Variants in TAOK1 observed in about 807,000 individuals in gnomAD.
TAOK1 encodes TAO kinase 1.
A neutral mutation model predicts 138.3 loss-of-function variants in TAOK1; 21 were observed. That is an observed-to-expected ratio of 0.15 (90% CI 0.11 to 0.22). TAOK1 has a LOEUF of 0.22. TAOK1 is among the 10% of genes least tolerant of loss of function. The pLI, the probability that TAOK1 is intolerant of heterozygous loss-of-function variation, is 1.00. For missense variants in TAOK1, 651 were observed against 1,227.7 expected, an observed-to-expected ratio of 0.53 and a Z score of 7.02; for synonymous variants, 361 against 398.4, an observed-to-expected ratio of 0.91 and a Z score of 1.12.
chr17:29,439,908 GTAATA>G (rs2029890457), intron 1 of TAOK1, among the ~76,000 whole-genome samples: 1 of 148,986 alleles, frequency 6.7e-6, no homozygotes, highest in Admixed American at 6.7e-5. Context: ...AAGATAGTCT[GTAATA>G]TAATAGTGGG....
intron 15 of TAOK1, 128 bp downstream of exon 15, chr17:29,511,120 T>A: frequency 1.4e-6 from 1 of 727,838 alleles, no homozygotes. Flanking sequence ...GGGTATTAGT[T>A]TAAATGATGA....
intron 3 of TAOK1, among the ~76,000 whole-genome samples, chr17:29,472,573 C>CTTT (rs34588170): frequency 1.8e-5 from 2 of 111,740 alleles, no homozygotes; most frequent in African/African-American, 3.7e-5. Flanking sequence ...TTCTTTCTTT[C>CTTT]TTTTTTTTTT....
At chr17:29,445,898 T>C (rs2030064143) in intron 1 of TAOK1, among the ~76,000 whole-genome samples, 2 of 152,256 alleles carry the variant, frequency 1.3e-5, no homozygotes, top group South Asian at 2.1e-4. Context: ...TTTTCTTTAA[T>C]GTTTAATGAA....
chr17:29,396,918 G>A (rs1299088733), intron 1 of TAOK1, among the ~76,000 whole-genome samples: 1 of 150,596 alleles, frequency 6.6e-6, no homozygotes, highest in Non-Finnish European at 1.5e-5. Context: ...CTGGAACTTG[G>A]GAGGTAGTGG....
At chr17:29,414,117 T>C (rs1905211260) in intron 1 of TAOK1, among the ~76,000 whole-genome samples, 1 of 151,974 alleles carries the variant, frequency 6.6e-6, no homozygotes, top group South Asian at 2.1e-4. Context: ...TCTCCTGACC[T>C]CGTGATCCGC....
At chr17:29,522,010 AAAG>A (rs2031930235) in intron 16 of TAOK1, among the ~76,000 whole-genome samples, 1 of 152,240 alleles carries the variant, frequency 6.6e-6, no homozygotes, top group South Asian at 2.1e-4. Flanking sequence ...GAAGTATACA[AAAG>A]AAGAATGTTA....
intron 15 of TAOK1, chr17:29,512,378 T>TGTTTGGTTTG (rs71138828): frequency 0.41 from 61,712 of 149,588 alleles, 13,469 homozygotes; most frequent in Non-Finnish European, 0.48. Flanking sequence ...GCTTTTTGTT[T>TGTTTGGTTTG]GTTTGGTTTG....
At chr17:29,535,436 T>G (rs896876541) in intron 19 of TAOK1, among the ~76,000 whole-genome samples, 6 of 152,248 alleles carry the variant, frequency 3.9e-5, no homozygotes, top group African/African-American at 1.4e-4. Flanking sequence ...CCGTCGGTTA[T>G]CGCATTTAAT....
chr17:29,534,270 C>T lies in TAOK1; in HGVS notation c.2514C>T (p.Val838=). 6.2e-7 allele frequency: 1 copy of T among 1,609,642 alleles called. No individual in the cohort carries two copies. The highest frequency in any genetic ancestry group is 1.1e-5 in the South Asian group (1 of 89,826). The change falls in exon 19 of 20, where the codon GTC becomes GTT. Residue 838 remains valine, a synonymous_variant. Transcript: ENST00000261716. ...DRELRELEQR[V]SLRRALLEQK... ...AGCTTCGCGAGCTTGAACAGAGGGT[C>T]TCCCTCCGGAGGGCACTCTTAGAAC...
intron 1 of TAOK1, among the ~76,000 whole-genome samples, chr17:29,432,661 G>C (rs1905883194): frequency 6.6e-6 from 1 of 152,024 alleles, no homozygotes; most frequent in Admixed American, 6.5e-5. Context: ...TTTTAGTAGA[G>C]ATGGGGTTTC....
chr17:29,462,975 GGTTCT>G (rs1377663778), intron 2 of TAOK1, among the ~76,000 whole-genome samples: 1 of 151,796 alleles, frequency 6.6e-6, no homozygotes, highest in Non-Finnish European at 1.5e-5. Flanking sequence ...TAGTTCATTT[GGTTCT>G]GTTCTACACA....
chr17:29,397,004 A>T (rs1904626981), intron 1 of TAOK1, among the ~76,000 whole-genome samples: 1 of 146,338 alleles, frequency 6.8e-6, no homozygotes, highest in Admixed American at 6.9e-5. Flanking sequence ...AAAAAAAAAA[A>T]AAAAAAAGGG....
chr17:29,435,698 C>T (rs1489385542), intron 1 of TAOK1, among the ~76,000 whole-genome samples: 1 of 152,202 alleles, frequency 6.6e-6, no homozygotes, highest in Non-Finnish European at 1.5e-5. Flanking sequence ...AGTTCGACTT[C>T]GAGCTTGACT....
chr17:29,498,340 G>A lies in TAOK1; in HGVS notation c.1022G>A (p.Arg341Gln), dbSNP rs752274688. ...TAGGAACAAGATCATGGTGTTGGCCGGACAGGAACAGTTAATAGTGTTGGA... is the reference window on the plus strand; with the variant it reads ...TAGGAACAAGATCATGGTGTTGGCCAGACAGGAACAGTTAATAGTGTTGGA... The part of the protein sequence containing the change: ...EEEEQDHGVG[R>Q]TGTVNSVGSN... The change falls in exon 12 of 20, where the codon CGG (arginine) becomes CAG (glutamine). Residue 341 changes from arginine to glutamine, a missense_variant. Physicochemically the swap from Arg to Gln is conservative, Grantham distance 43. Transcript: ENST00000261716. 22 of 1,613,954 alleles carry A rather than the reference G, an allele frequency of 1.4e-5. No homozygotes were observed. The highest frequency in any genetic ancestry group is 1.3e-4 in the East Asian group (6 of 44,888).
intron 1 of TAOK1, among the ~76,000 whole-genome samples, chr17:29,401,067 A>C (rs1205409738): frequency 6.6e-6 from 1 of 151,420 alleles, no homozygotes; most frequent in Non-Finnish European, 1.5e-5. Context: ...GCACCACCAC[A>C]CCCGGCTAAT....
Position 29,498,437 on chromosome 17 carries a change from T to C in TAOK1, c.1119T>C (p.Asp373=). The C allele has an allele frequency of 1.9e-6, 3 of 1,614,226 alleles. No individual in the cohort carries two copies. Among genetic ancestry groups the C allele is most frequent in the Non-Finnish European group, 2.5e-6 (3 of 1,180,028 alleles). Residue 373 remains aspartate (D), a synonymous_variant, in exon 12 of 20, where the codon GAT becomes GAC. Coordinates refer to ENST00000261716, the MANE Select transcript of TAOK1 (RefSeq NM_020791.4). ...GCAGTAGTGTTAACAGTCTTCCAGATGTCTCAGATGACAAGAGTGAGCTAG... is the reference window on the plus strand; with the variant it reads ...GCAGTAGTGTTAACAGTCTTCCAGACGTCTCAGATGACAAGAGTGAGCTAG... The part of the protein sequence containing the change: ...SQSSSVNSLP[D]VSDDKSELDM...
At chr17:29,537,892 T>A (rs2032249486) in intron 19 of TAOK1, among the ~76,000 whole-genome samples, 1 of 152,004 alleles carries the variant, frequency 6.6e-6, no homozygotes, top group African/African-American at 2.4e-5. Flanking sequence ...GGCAGGCAGA[T>A]CACAAGGTCA....
At chr17:29,528,522 T>C (rs1363632355) in intron 17 of TAOK1, among the ~76,000 whole-genome samples, 1 of 151,976 alleles carries the variant, frequency 6.6e-6, no homozygotes, top group Non-Finnish European at 1.5e-5. Context: ...ATAAACTGTA[T>C]AGTTAGAGTT....
intron 2 of TAOK1, among the ~76,000 whole-genome samples, chr17:29,465,128 ATTTTTTTTTTTTTTTTT>A (rs57794003): frequency 1.6e-5 from 1 of 63,102 alleles, no homozygotes; most frequent in African/African-American, 6.8e-5. Context: ...GTCTTATTTA[ATTTTTTTTTTTTTTTTT>A]TTTTTTTTTT....
Sources: allele counts gnomAD v4.1 joint callset (sites outside exome capture counted in the v4.1 genomes callset), GRCh38; gene constraint gnomAD v4.1.1; transcripts MANE v1.5; gene names NCBI Gene and HGNC (gene_info 2026-07-23, HGNC 2026-07-21).